GDPD3: variants seen among roughly 807,000 people sequenced by gnomAD.
GDPD3 encodes the protein glycerophosphodiester phosphodiesterase domain containing 3.
A neutral mutation model predicts 43.7 loss-of-function variants in GDPD3; 40 were observed. That is an observed-to-expected ratio of 0.91 (90% CI 0.71 to 1.19). The LOEUF (loss-of-function observed/expected upper bound fraction) is 1.19. Among genes scored for constraint, GDPD3 ranks in the 50% most tolerant of loss-of-function variants. The pLI is 0.00. For synonymous variants in GDPD3, 145 were observed against 162.9 expected, an observed-to-expected ratio of 0.89 and a Z score of 0.84; for missense variants, 363 against 415.8, an observed-to-expected ratio of 0.87 and a Z score of 1.11.
At chr16:30,111,275 G>T in intron 7 of GDPD3, 113 bp downstream of exon 7, 1 of 1,216,640 alleles carries the variant, frequency 8.2e-7, no homozygotes, top group South Asian at 1.5e-5. Context: ...GTCCTTAAAA[G>T]ACCTTGGGGG....
In GDPD3 at chr16:30,105,028, G is replaced by T; in HGVS notation, c.820-19C>A. The T allele has an allele frequency of 6.3e-7, 1 of 1,584,110 alleles. No homozygotes were observed. Among genetic ancestry groups the T allele is most frequent in the South Asian group, 1.1e-5 (1 of 87,504 alleles). On this transcript the variant is annotated intron_variant, in intron 9 of 9. Coordinates refer to ENST00000406256, the MANE Select transcript of GDPD3 (RefSeq NM_024307.3). ...AGACCACCTGAGCAGGGAGGGAGGG[G>T]GCCTGTAGATTCTGAACAATTTTAC... is the stretch of plus-strand genomic sequence containing the variant.
rs777781970 is a variant in GDPD3 at position 30,112,400 on chromosome 16, C to T, written c.389G>A (p.Arg130Gln). ...CAGGTCCTCCAGACGAACCATGCGC[C>T]GGTCTGACCCGTGAGCAAAGTGGCC... ...SPGHFAHGSD[R>Q]RMVRLEDLFQ... Residue 130 changes from arginine to glutamine, a missense_variant, in exon 5 of 10, where the codon CGG becomes CAG. Physicochemically the swap from Arg to Gln is conservative, Grantham distance 43. Coordinates refer to ENST00000406256, the MANE Select transcript of GDPD3 (RefSeq NM_024307.3). This position sits in a 1 kb window ranked among gnomAD's most constrained non-coding sequence, Gnocchi z 5.4. The T allele has an allele frequency of 1.2e-5, 19 of 1,613,752 alleles. No homozygotes were observed. The highest frequency in any genetic ancestry group is 3.3e-5 in the Admixed American group (2 of 59,998).
chr16:30,104,815 G>A lies in GDPD3; in HGVS notation c.*57C>T, dbSNP rs2072844122. On this transcript the variant is annotated 3_prime_UTR_variant, in exon 10 of 10. Transcript: ENST00000406256. ...TCACCCTCAGCACAACGATGTGATC[G>A]AAAGGCAAATATTTATTTTTCAGGA... is the stretch of plus-strand genomic sequence containing the variant. 6.3e-6 allele frequency: 10 copies of A among 1,576,166 alleles called. No homozygotes were observed. Among genetic ancestry groups the A allele is most frequent in the Admixed American group, 5.0e-5 (3 of 59,444 alleles).
Position 30,111,377 on chromosome 16 carries a change from C to T in GDPD3, c.707+11G>A. The stretch of plus-strand genomic sequence containing the variant: ...TGGGGAGTTTTTCTGAGGTCCGCCC[C>T]CCACTGGTACCTGTTGATGATGTTG... On this transcript the variant is annotated intron_variant, in intron 7 of 9. Coordinates refer to ENST00000406256, the MANE Select transcript of GDPD3 (RefSeq NM_024307.3). 6.2e-7 allele frequency: 1 copy of T among 1,613,412 alleles called. No homozygotes were observed. Among genetic ancestry groups the T allele is most frequent in the Non-Finnish European group, 8.5e-7 (1 of 1,179,680 alleles).
chr16:30,112,344 CGCTCATGG>C lies in GDPD3; in HGVS notation c.437_444del (p.Pro146ArgfsTer13), dbSNP rs776763054. On this transcript the variant is annotated frameshift_variant, in exon 5 of 10. Coordinates refer to ENST00000406256, the MANE Select transcript of GDPD3 (RefSeq NM_024307.3). LOFTEE classifies it high-confidence loss of function. This position sits in a 1 kb window ranked among gnomAD's most constrained non-coding sequence, Gnocchi z 5.4. ...TCTTCGTTCTTCCCTTTGATCTCTA[CGCTCATGG>C]GTGTCCTTGGAAACCTCTGGAACAG... 7 of 1,614,208 alleles carry C rather than the reference CGCTCATGG, an allele frequency of 4.3e-6. No individual in the cohort carries two copies. Among genetic ancestry groups the C allele is most frequent in the Non-Finnish European group, 5.1e-6 (6 of 1,180,036 alleles).
At chr16:30,109,038 G>A (rs1337766648) in intron 7 of GDPD3, among the ~76,000 whole-genome samples, 6 of 152,052 alleles carry the variant, frequency 3.9e-5, no homozygotes, top group African/African-American at 1.2e-4. Flanking sequence ...CACCCTGTTA[G>A]CCAGGATGGT....
chr16:30,113,382 T>C lies in GDPD3; in HGVS notation c.97A>G (p.Arg33Gly), dbSNP rs2151042571. Residue 33 changes from arginine (R) to glycine (G), a missense_variant, in exon 1 of 10, where the codon AGG becomes GGG. By Grantham distance (125) the Arg-to-Gly change is moderately radical. Transcript: ENST00000406256. The surrounding 1 kb of genome is among the most constrained non-coding windows in gnomAD (Gnocchi z 5.9). Reference sequence around the variant, plus strand: ...AGGCGGATGCGGAAGGTGGGAGCCCTGGGCGTGTGCAGCAGATGAGGCCGG... The same window carrying C: ...AGGCGGATGCGGAAGGTGGGAGCCCCGGGCGTGTGCAGCAGATGAGGCCGG... ...LRRPHLLHTP[R>G]APTFRIRLGA... The C allele has an allele frequency of 1.2e-6, 2 of 1,611,382 alleles. No homozygotes were observed. Among genetic ancestry groups the C allele is most frequent in the Non-Finnish European group, 1.7e-6 (2 of 1,178,384 alleles).
intron 7 of GDPD3, 136 bp downstream of exon 7, chr16:30,111,252 G>C: frequency 1.1e-6 from 1 of 951,198 alleles, no homozygotes. Flanking sequence ...ATGAATGCTG[G>C]GTAAGAACCA....
At position 30,112,900 on chromosome 16, in the gene GDPD3, G is replaced by T; in HGVS notation, c.183-107C>A. The T allele has an allele frequency of 6.7e-7, 1 of 1,485,042 alleles. No individual in the cohort carries two copies. Among genetic ancestry groups the T allele is most frequent in the Non-Finnish European group, 9.3e-7 (1 of 1,071,218 alleles). The allele number at this position is 1,485,042 out of a possible 1,614,324, so 92.0% of individuals were successfully genotyped here. A position where few individuals can be genotyped will look rare whatever the true frequency, so the allele number is the denominator to read the frequency against. Reference sequence around the variant, plus strand: ...GAGAGCGGAGTTCGTGGCGGGATGTGCAGGCCACCTCCAGGGGGCGCCAGT... The same window carrying T: ...GAGAGCGGAGTTCGTGGCGGGATGTTCAGGCCACCTCCAGGGGGCGCCAGT... On this transcript the variant is annotated intron_variant, in intron 2 of 9. Transcript: ENST00000406256. The surrounding 1 kb of genome is among the most constrained non-coding windows in gnomAD (Gnocchi z 5.4).
At chr16:30,105,329 C>T (rs984730285) in intron 9 of GDPD3, among the ~76,000 whole-genome samples, 8 of 151,786 alleles carry the variant, frequency 5.3e-5, no homozygotes, top group Non-Finnish European at 1.0e-4. Context: ...TGGTGGTATG[C>T]GCCTGTGCTC....
At chr16:30,105,474 T>A (rs1425254505) in intron 9 of GDPD3, among the ~76,000 whole-genome samples, 2 of 150,822 alleles carry the variant, frequency 1.3e-5, no homozygotes, top group East Asian at 3.9e-4. Context: ...AAAAAAAAAT[T>A]ATATATACTG....
Position 30,113,219 on chromosome 16 carries a change from C to T in GDPD3, c.139+121G>A. On this transcript the variant is annotated intron_variant, in intron 1 of 9. Coordinates refer to ENST00000406256, the MANE Select transcript of GDPD3 (RefSeq NM_024307.3). The surrounding 1 kb of genome is among the most constrained non-coding windows in gnomAD (Gnocchi z 5.9). ...CCAGCATCTTCTTCCTCGTCCACAC[C>T]CTGCCCTGCCACTTCGCTCTCCTTC... is the stretch of plus-strand genomic sequence containing the variant. 2 of 1,418,032 alleles carry T rather than the reference C, an allele frequency of 1.4e-6. No individual in the cohort carries two copies. Among genetic ancestry groups the T allele is most frequent in the Non-Finnish European group, 9.6e-7 (1 of 1,039,440 alleles). 87.8% of individuals were successfully genotyped at this position (1,418,032 alleles called of 1,614,324 possible). A position where few individuals can be genotyped will look rare whatever the true frequency, so the allele number is the denominator to read the frequency against.
At chr16:30,109,129 C>A (rs1312523271) in intron 7 of GDPD3, among the ~76,000 whole-genome samples, 1 of 152,094 alleles carries the variant, frequency 6.6e-6, no homozygotes. Context: ...CGTGCCCGGC[C>A]ATTAAAAAAT....
chr16:30,105,049 T>C, intron 9 of GDPD3, 40 bp from the exon 10 acceptor site: 1 of 1,552,938 alleles, frequency 6.4e-7, no homozygotes, highest in Non-Finnish European at 8.7e-7. Flanking sequence ...TCTGAACAAT[T>C]TTACATCTGG....
chr16:30,108,378 C>A lies in GDPD3; in HGVS notation c.762G>T (p.Ser254=). ...AGCCATCTTGCCCACCTCACCATTT[C>A]GAAACCACAGCCAATAACTGGTTCA... ...SCLNQLLAVV[S]KWLIMRKSLI... The change falls in exon 8 of 10, where the codon TCG becomes TCT. Residue 254 remains serine (S), a synonymous_variant. Transcript: ENST00000406256. 1 of 1,613,970 alleles carries A rather than the reference C, an allele frequency of 6.2e-7. No homozygotes were observed. The highest frequency in any genetic ancestry group is 8.5e-7 in the Non-Finnish European group (1 of 1,179,990).
rs1360128333 is a variant in GDPD3, at chr16:30,112,570, T to C, written c.319-2A>G. On this transcript the variant is annotated splice_acceptor_variant, in intron 3 of 9. Coordinates refer to ENST00000406256, the MANE Select transcript of GDPD3 (RefSeq NM_024307.3). LOFTEE classifies it high-confidence loss of function. This position sits in a 1 kb window ranked among gnomAD's most constrained non-coding sequence, Gnocchi z 5.4. ...CTTCTCCTTGTAGAGGGGCAGGTCC[T>C]GGGGAGGACAGGAAGGATGTCACTA... 4.3e-6 allele frequency: 7 copies of C among 1,613,698 alleles called. No homozygotes were observed. Among genetic ancestry groups the C allele is most frequent in the Non-Finnish European group, 5.9e-6 (7 of 1,179,956 alleles).
chr16:30,109,075 C>T (rs992846601), intron 7 of GDPD3, among the ~76,000 whole-genome samples: 1 of 152,096 alleles, frequency 6.6e-6, no homozygotes. Context: ...TGTGATCCGC[C>T]CGCCTTGGCC....
At chr16:30,108,825 A>T (rs185491902) in intron 7 of GDPD3, among the ~76,000 whole-genome samples, 63 of 151,682 alleles carry the variant, frequency 4.2e-4, no homozygotes, top group African/African-American at 1.5e-3. Flanking sequence ...TCTTATTATT[A>T]ATTTAAATTA....
In GDPD3 at chr16:30,112,103, G is replaced by T; in HGVS notation, c.573+29C>A. On this transcript the variant is annotated intron_variant, in intron 6 of 9. Coordinates refer to ENST00000406256, the MANE Select transcript of GDPD3 (RefSeq NM_024307.3). The surrounding 1 kb of genome is among the most constrained non-coding windows in gnomAD (Gnocchi z 5.4). ...GGAGGAGGGGCCCCTGGAGGAGGAA[G>T]AGGACGGGGGAGGGGTGGGGGGACT... 1.3e-6 allele frequency: 2 copies of T among 1,578,338 alleles called. No homozygotes were observed. The highest frequency in any genetic ancestry group is 1.1e-5 in the South Asian group (1 of 90,372).
Sources: gnomAD v4.1 joint callset for allele counts (sites outside exome capture counted in the v4.1 genomes callset) on GRCh38, gnomAD v4.1.1 for gene constraint, Gnocchi (gnomAD v3.1) non-coding constraint, MANE v1.5 for transcripts, NCBI Gene and HGNC (gene_info 2026-07-23, HGNC 2026-07-21) for gene names.